ARMC2: variants seen among roughly 807,000 people sequenced by gnomAD.
ARMC2 encodes the protein armadillo repeat-containing protein 2.
A neutral mutation model predicts 90.3 loss-of-function variants in ARMC2; 67 were observed. That is an observed-to-expected ratio of 0.74 (90% CI 0.61 to 0.91). ARMC2 has a LOEUF of 0.91. ARMC2 is among the 40% of genes least tolerant of loss of function. The probability of loss-of-function intolerance (pLI) is 0.00; values close to 1 mark genes in which losing one functional copy is unlikely to be tolerated. For synonymous variants in ARMC2, 393 were observed against 393.0 expected, an observed-to-expected ratio of 1.00 and a Z score of 0.00; for missense variants, 920 against 1,030.9, an observed-to-expected ratio of 0.89 and a Z score of 1.47.
the ARMC2 span, among the ~76,000 whole-genome samples, chr6:109,039,054 G>A: frequency 1.4e-5 from 2 of 141,448 alleles, no homozygotes; most frequent in African/African-American, 2.7e-5. Flanking sequence ...GAGGGAGAAG[G>A]AGAACAAGAA....
At chr6:109,009,558 G>C in the ARMC2 span, 13 of 1,126,456 alleles carry the variant, frequency 1.2e-5, no homozygotes, top group Admixed American at 4.9e-5. Flanking sequence ...CGGACGGCGG[G>C]GGGGCGGGGC....
Position 108,904,343 on chromosome 6 carries a change from T to C in ARMC2, c.961T>C (p.Cys321Arg). ...KGRSILLKTLCKLVDVGSDSL... is the reference protein window; with the variant it reads ...KGRSILLKTLRKLVDVGSDSL... The stretch of plus-strand genomic sequence containing the variant: ...AAGAAGTATTCTCCTGAAGACCCTG[T>C]GTAAACTAGTTGATGTTGGTTCAGA... Residue 321 changes from cysteine to arginine, a missense_variant, in exon 8 of 18, where the codon TGT (cysteine) becomes CGT (arginine). Physicochemically the swap from Cys to Arg is radical, Grantham distance 180. Coordinates refer to ENST00000392644, the MANE Select transcript of ARMC2 (RefSeq NM_032131.6). The C allele has an allele frequency of 6.2e-7, 1 of 1,613,486 alleles. No individual in the cohort carries two copies. Among genetic ancestry groups the C allele is most frequent in the African/African-American group, 1.3e-5 (1 of 75,032 alleles).
At chr6:108,947,793 C>T (rs1235152535) in intron 12 of ARMC2, among the ~76,000 whole-genome samples, 2 of 149,698 alleles carry the variant, frequency 1.3e-5, no homozygotes, top group Non-Finnish European at 3.0e-5. Flanking sequence ...ATTAGAAAGT[C>T]GATATGAACT....
the ARMC2 span, among the ~76,000 whole-genome samples, chr6:109,046,477 G>A: frequency 2.0e-5 from 3 of 148,708 alleles, no homozygotes; most frequent in East Asian, 2.0e-4. Context: ...CCAAAGTGCC[G>A]AGATTGCAGC....
chr6:108,869,218 G>A lies in ARMC2; in HGVS notation c.463+223G>A, dbSNP rs533273289. 5.9e-5 allele frequency among the ~76,000 whole-genome samples: 9 copies of A among 152,250 alleles called. No homozygotes were observed. In the East Asian group the frequency reaches 1.4e-3, roughly 23 times the overall value. On this transcript the variant is annotated intron_variant, in intron 4 of 17. Coordinates refer to ENST00000392644, the MANE Select transcript of ARMC2 (RefSeq NM_032131.6). ...TACAGTTGGTAGGAAAAGGAAATTA[G>A]GATAAGTGACTGGGCGCGGTGGCTC...
At chr6:108,901,511 G>A (rs1160116001) in intron 7 of ARMC2, among the ~76,000 whole-genome samples, 1 of 152,068 alleles carries the variant, frequency 6.6e-6, no homozygotes, top group Admixed American at 6.5e-5. Flanking sequence ...CATCTCCTGG[G>A]TTCAAGCAAT....
chr6:109,025,383 T>A, the ARMC2 span, among the ~76,000 whole-genome samples: 1 of 151,684 alleles, frequency 6.6e-6, no homozygotes, highest in Non-Finnish European at 1.5e-5. Context: ...TAGAAATAAA[T>A]AGAGATTTTC....
At chr6:108,870,559 G>T (rs577608739) in intron 4 of ARMC2, among the ~76,000 whole-genome samples, 33 of 118,914 alleles carry the variant, frequency 2.8e-4, no homozygotes, top group Admixed American at 2.6e-3. Flanking sequence ...AAGGAAGAGA[G>T]GGAAGGAGAG....
chr6:109,005,533 G>C, the ARMC2 span, among the ~76,000 whole-genome samples: 1 of 152,154 alleles, frequency 6.6e-6, no homozygotes, highest in Admixed American at 6.6e-5. Flanking sequence ...CAAATATATA[G>C]TTTATATGCC....
chr6:108,854,737 C>T (rs1774362583), intron 2 of ARMC2, among the ~76,000 whole-genome samples: 1 of 152,200 alleles, frequency 6.6e-6, no homozygotes, highest in African/African-American at 2.4e-5. Flanking sequence ...TACTTTGACA[C>T]ACCATTATCA....
At chr6:108,894,581 C>T in intron 6 of ARMC2, 38 bp downstream of exon 6, 1 of 1,532,668 alleles carries the variant, frequency 6.5e-7, no homozygotes, top group Non-Finnish European at 8.8e-7. Flanking sequence ...ACAGCATCTC[C>T]ACTTGAAGGA....
the ARMC2 span, among the ~76,000 whole-genome samples, chr6:108,984,961 C>A: frequency 6.6e-6 from 1 of 152,082 alleles, no homozygotes; most frequent in Admixed American, 6.6e-5. Flanking sequence ...GTTAACTCAG[C>A]GTCTCTGGGA....
At chr6:109,003,555 T>G in the ARMC2 span, among the ~76,000 whole-genome samples, 2 of 152,174 alleles carry the variant, frequency 1.3e-5, no homozygotes, top group South Asian at 2.1e-4. Context: ...CCAACAGAAT[T>G]CATAAAATAA....
chr6:108,848,578 C>G (rs1376531289), intron 1 of ARMC2, 32 bp downstream of exon 1: 1 of 152,432 alleles, frequency 6.6e-6, no homozygotes, highest in East Asian at 1.9e-4. Flanking sequence ...GCCTCCTTCC[C>G]TGAGCCCTCG....
intron 4 of ARMC2, among the ~76,000 whole-genome samples, chr6:108,875,223 G>A (rs189385220): frequency 9.2e-5 from 14 of 152,262 alleles, no homozygotes; most frequent in African/African-American, 2.6e-4. Flanking sequence ...AGAATCTGCA[G>A]TCATGAGCAA....
intron 5 of ARMC2, among the ~76,000 whole-genome samples, chr6:108,886,393 A>T (rs759968198): frequency 6.6e-6 from 1 of 152,178 alleles, no homozygotes; most frequent in Non-Finnish European, 1.5e-5. Flanking sequence ...CCCCATCTCT[A>T]CTAAAAATCC....
At chr6:108,909,034 C>T (rs1773115272) in intron 8 of ARMC2, among the ~76,000 whole-genome samples, 2 of 152,208 alleles carry the variant, frequency 1.3e-5, no homozygotes, top group Admixed American at 6.5e-5. Flanking sequence ...CATGCCCTTG[C>T]ACTCTAAGCT....
chr6:109,037,621 G>A, the ARMC2 span, among the ~76,000 whole-genome samples: 1 of 152,132 alleles, frequency 6.6e-6, no homozygotes, highest in Non-Finnish European at 1.5e-5. Context: ...TAATTCTATA[G>A]ATGAAGAAAT....
intron 5 of ARMC2, among the ~76,000 whole-genome samples, chr6:108,885,694 A>G (rs1351535635): frequency 6.6e-6 from 1 of 152,088 alleles, no homozygotes; most frequent in South Asian, 2.1e-4. Flanking sequence ...AGAAAAGAAA[A>G]GAAAAGAAAA....
Sources: allele counts gnomAD v4.1 joint callset (sites outside exome capture counted in the v4.1 genomes callset), GRCh38; gene constraint gnomAD v4.1.1; transcripts MANE v1.5; gene names NCBI Gene and HGNC (gene_info 2026-07-23, HGNC 2026-07-21).